The following RABGAP1L variants were observed in gnomAD, a reference collection of about 807,000 sequenced individuals.
The protein encoded by RABGAP1L is rab GTPase-activating protein 1-like.
Under a neutral mutation model 137.7 loss-of-function variants are expected in RABGAP1L, and 63 were observed. That is an observed-to-expected ratio of 0.46 (90% CI 0.37 to 0.56). The LOEUF is 0.56. Among genes scored for constraint, RABGAP1L ranks in the 20% least tolerant of loss-of-function variants. The pLI, the probability that RABGAP1L is intolerant of heterozygous loss-of-function variation, is 0.00. For missense variants in RABGAP1L, 1,095 were observed against 1,244.0 expected, an observed-to-expected ratio of 0.88 and a Z score of 1.80; for synonymous variants, 431 against 433.7, an observed-to-expected ratio of 0.99 and a Z score of 0.08.
chr1:174,707,417 G>T (rs1304030407), intron 17 of RABGAP1L, among the ~76,000 whole-genome samples: 2 of 152,174 alleles, frequency 1.3e-5, no homozygotes, highest in Non-Finnish European at 2.9e-5. Context: ...TTTTATGAGA[G>T]AAGTTACTAT....
intron 13 of RABGAP1L, among the ~76,000 whole-genome samples, chr1:174,540,113 A>G (rs892564397): frequency 3.9e-5 from 6 of 152,096 alleles, no homozygotes; most frequent in East Asian, 1.9e-4. Context: ...GTCTGTTCAT[A>G]TCCTTTGCCC....
intron 19 of RABGAP1L, among the ~76,000 whole-genome samples, chr1:174,820,183 A>G (rs1315368748): frequency 1.3e-5 from 2 of 152,222 alleles, no homozygotes; most frequent in African/African-American, 2.4e-5. Flanking sequence ...GTCCAAATGT[A>G]TATATGAAGA....
chr1:174,238,589 G>T lies in RABGAP1L; in HGVS notation c.543-2894G>T, dbSNP rs552091450. On this transcript the variant is annotated intron_variant, in intron 4 of 25. Transcript: ENST00000681986. Reference sequence around the variant, plus strand: ...CCCAGTTAGGCTGCTCGGGGGTCAGGGGTCAGGGACCCACTTGAGGAGGCA... The same window carrying T: ...CCCAGTTAGGCTGCTCGGGGGTCAGTGGTCAGGGACCCACTTGAGGAGGCA... 4.2e-3 allele frequency among the ~76,000 whole-genome samples: 632 copies of T among 151,648 alleles called. 7 individuals carry two copies. The highest frequency in any genetic ancestry group is 0.025 in the South Asian group (118 of 4,794).
chr1:174,699,590 C>A lies in RABGAP1L; in HGVS notation c.1965C>A (p.Leu655=). 2 of 1,609,718 alleles carry A rather than the reference C, an allele frequency of 1.2e-6. No individual in the cohort carries two copies. The highest frequency in any genetic ancestry group is 2.2e-5 in the South Asian group (2 of 90,962). The change falls in exon 16 of 26, where the codon CTC becomes CTA. Residue 655 remains leucine, a synonymous_variant. Coordinates refer to ENST00000681986, the MANE Select transcript of RABGAP1L (RefSeq NM_001366446.1). The stretch of plus-strand genomic sequence containing the variant: ...TGTACGACTATGGTTTGAGAGACCT[C>A]TACAGAAACAACTTCGAAGATCTTC... ...KIMYDYGLRD[L]YRNNFEDLHC...
At chr1:174,257,135 C>T (rs1673206610) in intron 7 of RABGAP1L, among the ~76,000 whole-genome samples, 1 of 152,170 alleles carries the variant, frequency 6.6e-6, no homozygotes, top group Admixed American at 6.6e-5. Flanking sequence ...CCCCTTCGAA[C>T]CCTATCTTTA....
At chr1:174,258,917 A>C (rs1434353248) in intron 7 of RABGAP1L, among the ~76,000 whole-genome samples, 1 of 152,046 alleles carries the variant, frequency 6.6e-6, no homozygotes, top group Non-Finnish European at 1.5e-5. Context: ...AGCTGGGACT[A>C]CAGGTGTCCA....
At chr1:174,294,770 G>T (rs908376092) in intron 10 of RABGAP1L, among the ~76,000 whole-genome samples, 1 of 152,126 alleles carries the variant, frequency 6.6e-6, no homozygotes. Flanking sequence ...ACAAGATTTG[G>T]TGTCTGATTT....
chr1:174,859,482 C>CAAAAAAAAA (rs35464065), intron 19 of RABGAP1L, among the ~76,000 whole-genome samples: 37 of 133,718 alleles, frequency 2.8e-4, no homozygotes, highest in Middle Eastern at 4.5e-3. Context: ...GACTCCATCT[C>CAAAAAAAAA]AAAAAAAAAG....
intron 15 of RABGAP1L, among the ~76,000 whole-genome samples, chr1:174,688,995 G>C (rs1234921781): frequency 6.6e-6 from 1 of 152,030 alleles, no homozygotes; most frequent in East Asian, 1.9e-4. Flanking sequence ...GAGAAACTGG[G>C]AATCATGACT....
At chr1:174,456,769 A>G (rs147743136) in intron 13 of RABGAP1L, among the ~76,000 whole-genome samples, 3 of 152,164 alleles carry the variant, frequency 2.0e-5, no homozygotes, top group Non-Finnish European at 4.4e-5. Context: ...TATCAGTTGA[A>G]TAAAAATGAG....
At chr1:174,739,551 C>T (rs1683217293) in intron 17 of RABGAP1L, among the ~76,000 whole-genome samples, 1 of 152,202 alleles carries the variant, frequency 6.6e-6, no homozygotes, top group South Asian at 2.1e-4. Flanking sequence ...CAAGTGACCA[C>T]ATTCTACTCC....
intron 1 of RABGAP1L, among the ~76,000 whole-genome samples, chr1:174,181,096 C>G (rs185623245): frequency 6.6e-6 from 1 of 152,198 alleles, no homozygotes; most frequent in East Asian, 1.9e-4. Context: ...TTCTTTTTTG[C>G]TACAACTAAC....
At chr1:174,374,160 T>G (rs1685326401) in intron 12 of RABGAP1L, among the ~76,000 whole-genome samples, 1 of 152,190 alleles carries the variant, frequency 6.6e-6, no homozygotes, top group South Asian at 2.1e-4. Flanking sequence ...ATACCACAGC[T>G]TGGCTGCTAC....
chr1:174,315,731 T>G (rs1036225594), intron 11 of RABGAP1L, among the ~76,000 whole-genome samples: 3 of 152,036 alleles, frequency 2.0e-5, no homozygotes, highest in South Asian at 4.1e-4. Flanking sequence ...GACATAGTCT[T>G]CTTTGGGTTA....
At chr1:174,278,958 A>T (rs949586818) in intron 10 of RABGAP1L, among the ~76,000 whole-genome samples, 179 bp downstream of exon 10, 2 of 152,146 alleles carry the variant, frequency 1.3e-5, no homozygotes, top group African/African-American at 4.8e-5. Context: ...AATATTAGCT[A>T]AAAAAACCCA....
At chr1:174,478,168 C>T (rs983518830) in intron 13 of RABGAP1L, among the ~76,000 whole-genome samples, 28 of 151,880 alleles carry the variant, frequency 1.8e-4, no homozygotes, top group African/African-American at 6.5e-4. Context: ...CTTTAGTCCC[C>T]TCTGTGATTG....
At chr1:174,821,172 A>G (rs1055050427) in intron 19 of RABGAP1L, among the ~76,000 whole-genome samples, 4 of 152,146 alleles carry the variant, frequency 2.6e-5, no homozygotes, top group African/African-American at 9.7e-5. Context: ...TTTTACTCTG[A>G]TCACATGATT....
intron 13 of RABGAP1L, among the ~76,000 whole-genome samples, chr1:174,565,883 CATT>C (rs1667548188): frequency 7.5e-6 from 1 of 133,186 alleles, no homozygotes. Flanking sequence ...GAATCCTTTA[CATT>C]TTTTTTTTTT....
chr1:174,491,520 AG>A (rs1660230217), intron 13 of RABGAP1L, among the ~76,000 whole-genome samples: 1 of 151,840 alleles, frequency 6.6e-6, no homozygotes, highest in Non-Finnish European at 1.5e-5. Context: ...TGGAGCCACA[AG>A]GGGTCTCTTT....
Sources: gnomAD v4.1 joint callset for allele counts (sites outside exome capture counted in the v4.1 genomes callset) on GRCh38, gnomAD v4.1.1 for gene constraint, MANE v1.5 for transcripts, NCBI Gene and HGNC (gene_info 2026-07-23, HGNC 2026-07-21) for gene names.